The following GRIK2 variants were observed in gnomAD, a reference collection of about 807,000 sequenced individuals.
GRIK2 encodes the protein glutamate receptor ionotropic, kainate 2.
In GRIK2, 32 loss-of-function variants were observed where a neutral mutation model predicts 100.3. The ratio of observed to expected loss-of-function variants is 0.32; its 90% CI spans 0.24 to 0.43. The LOEUF (loss-of-function observed/expected upper bound fraction) is 0.43. Among genes scored for constraint, GRIK2 ranks in the 20% least tolerant of loss-of-function variants. The pLI, the probability that GRIK2 is intolerant of heterozygous loss-of-function variation, is 1.00. For synonymous variants in GRIK2, 417 were observed against 389.4 expected (o/e 1.07, Z -0.83); for missense variants, 843 against 1,114.9 (o/e 0.76, Z 3.47).
At chr6:101,926,933 TAAACA>T (rs200324409) in intron 13 of GRIK2, among the ~76,000 whole-genome samples, 1,989 of 152,298 alleles carry the variant, frequency 0.013, 51 homozygotes, top group African/African-American at 0.045. Context: ...TGTTGTTGTT[TAAACA>T]AAACAAAACA....
intron 2 of GRIK2, among the ~76,000 whole-genome samples, chr6:101,585,841 G>T (rs937543568): frequency 6.6e-6 from 1 of 152,022 alleles, no homozygotes; most frequent in Non-Finnish European, 1.5e-5. Context: ...TACAAAACAG[G>T]AATAACAGTA....
intron 2 of GRIK2, among the ~76,000 whole-genome samples, chr6:101,602,306 C>G (rs953368215): frequency 1.3e-5 from 2 of 151,030 alleles, no homozygotes; most frequent in Non-Finnish European, 3.0e-5. Flanking sequence ...TGGCATAATT[C>G]CAATTTTTTT....
At chr6:101,876,345 T>C (rs1785839640) in intron 11 of GRIK2, among the ~76,000 whole-genome samples, 1 of 151,840 alleles carries the variant, frequency 6.6e-6, no homozygotes, top group Admixed American at 6.6e-5. Context: ...TAAAAAAGAA[T>C]CTGGATCCTT....
intron 2 of GRIK2, among the ~76,000 whole-genome samples, chr6:101,486,020 A>G (rs189551782): frequency 3.3e-5 from 5 of 151,440 alleles, no homozygotes; most frequent in Admixed American, 2.6e-4. Context: ...ATGCTGTTTT[A>G]TAATTACATG....
chr6:101,897,327 C>T (rs752297988), intron 12 of GRIK2, among the ~76,000 whole-genome samples: 3 of 151,424 alleles, frequency 2.0e-5, no homozygotes, highest in African/African-American at 7.3e-5. Context: ...CATTTTTTAC[C>T]AAGTGATACA....
chr6:101,860,659 T>C (rs1223746531), intron 11 of GRIK2, among the ~76,000 whole-genome samples: 5 of 152,176 alleles, frequency 3.3e-5, no homozygotes, highest in African/African-American at 4.8e-5. Flanking sequence ...TTGATATCAC[T>C]GGTGAAGTCT....
intron 12 of GRIK2, among the ~76,000 whole-genome samples, chr6:101,924,366 AC>A (rs1193289766): frequency 6.6e-6 from 1 of 152,198 alleles, no homozygotes; most frequent in East Asian, 1.9e-4. Flanking sequence ...TTTTCCTCTA[AC>A]AAATAATGTA....
At chr6:101,471,699 A>T (rs1465219346) in intron 2 of GRIK2, among the ~76,000 whole-genome samples, 1 of 151,972 alleles carries the variant, frequency 6.6e-6, no homozygotes, top group Non-Finnish European at 1.5e-5. Flanking sequence ...AATATGATAC[A>T]TTTATTTAAA....
At chr6:101,755,421 C>T (rs182917874) in intron 7 of GRIK2, among the ~76,000 whole-genome samples, 4 of 152,186 alleles carry the variant, frequency 2.6e-5, no homozygotes, top group African/African-American at 9.6e-5. Context: ...CCTGCCTCGG[C>T]CTCCCAAAGT....
chr6:101,940,914 C>T (rs1360673140), intron 14 of GRIK2, among the ~76,000 whole-genome samples: 1 of 152,032 alleles, frequency 6.6e-6, no homozygotes, highest in Admixed American at 6.6e-5. Flanking sequence ...CAGTGCAAGA[C>T]ATTTTTGCAA....
At chr6:102,048,044 G>A (rs909628594) in intron 15 of GRIK2, among the ~76,000 whole-genome samples, 1 of 140,902 alleles carries the variant, frequency 7.1e-6, no homozygotes, top group African/African-American at 2.5e-5. Context: ...GGAACTGTAT[G>A]GAGGGTGCAG....
At chr6:101,639,280 C>T (rs1022174609) in intron 4 of GRIK2, among the ~76,000 whole-genome samples, 1 of 152,084 alleles carries the variant, frequency 6.6e-6, no homozygotes, top group South Asian at 2.1e-4. Flanking sequence ...GTGATCTGCC[C>T]TCCTCGGCCT....
intron 7 of GRIK2, among the ~76,000 whole-genome samples, chr6:101,748,675 T>C (rs1776596756): frequency 6.6e-6 from 1 of 152,088 alleles, no homozygotes; most frequent in African/African-American, 2.4e-5. Context: ...TCTACAGCTG[T>C]TGAAAAAATG....
intron 16 of GRIK2, chr6:102,065,835 C>T: frequency 6.6e-7 from 1 of 1,503,766 alleles, no homozygotes; most frequent in East Asian, 2.6e-5. Context: ...ATGTATTCCT[C>T]CCTATTTTGG....
intron 2 of GRIK2, among the ~76,000 whole-genome samples, chr6:101,601,534 A>G (rs1299340913): frequency 6.6e-6 from 1 of 151,896 alleles, no homozygotes; most frequent in Non-Finnish European, 1.5e-5. Flanking sequence ...TTTACAACTG[A>G]TAGAATTTGG....
Position 102,026,111 on chromosome 6 carries a change from C to CATATATATATAT in GRIK2, c.2086-9197_2086-9186dup, listed in dbSNP as rs6149730. ...GTAAAGGCATATACATATACACTTA[C>CATATATATATAT]ATATATATATATATATATATATATA... is the stretch of plus-strand genomic sequence containing the variant. On this transcript the variant is annotated intron_variant, in intron 14 of 16. Coordinates refer to ENST00000369134, the MANE Select transcript of GRIK2 (RefSeq NM_021956.5). Among the ~76,000 whole-genome samples the CATATATATATAT allele has an allele frequency of 6.2e-4, 62 of 100,210 alleles. 1 individual carries two copies. The highest frequency in any genetic ancestry group is 8.0e-4 in the East Asian group (3 of 3,756). 65.7% of individuals were successfully genotyped at this position (100,210 alleles called of 152,430 possible). A position where few individuals can be genotyped will look rare whatever the true frequency, so the allele number is the denominator to read the frequency against.
At chr6:101,804,978 T>C (rs1780899259) in intron 9 of GRIK2, among the ~76,000 whole-genome samples, 1 of 151,984 alleles carries the variant, frequency 6.6e-6, no homozygotes, top group Admixed American at 6.6e-5. Context: ...GATTCAGAGA[T>C]ATTTTGGCTC....
chr6:101,760,586 A>T (rs1355391872), intron 7 of GRIK2, among the ~76,000 whole-genome samples: 3 of 88,806 alleles, frequency 3.4e-5, no homozygotes, highest in East Asian at 7.1e-4. Flanking sequence ...AATTATATAT[A>T]ATTATATATA....
chr6:101,970,582 A>G (rs548703683), intron 14 of GRIK2, among the ~76,000 whole-genome samples: 2 of 151,728 alleles, frequency 1.3e-5, no homozygotes, highest in South Asian at 2.1e-4. Context: ...GGTCATTGTC[A>G]TGTTCTTTAA....
Sources: gnomAD v4.1 joint callset for allele counts (sites outside exome capture counted in the v4.1 genomes callset) on GRCh38, gnomAD v4.1.1 for gene constraint, MANE v1.5 for transcripts, NCBI Gene and HGNC (gene_info 2026-07-23, HGNC 2026-07-21) for gene names.